LITAF: variants seen among roughly 807,000 people sequenced by gnomAD.
The protein encoded by LITAF is lipopolysaccharide induced TNF factor.
A neutral mutation model predicts 14.5 loss-of-function variants in LITAF; 9 were observed. The ratio of observed to expected loss-of-function variants is 0.62; its 90% CI spans 0.37 to 1.08. The LOEUF (loss-of-function observed/expected upper bound fraction) is 1.08, where lower values mean the gene tolerates loss of function less well. Among genes scored for constraint, LITAF ranks in the 50% least tolerant of loss-of-function variants. The pLI, the probability that LITAF is intolerant of heterozygous loss-of-function variation, is 0.01. For missense variants in LITAF, 206 were observed against 213.4 expected, an observed-to-expected ratio of 0.97 and a Z score of 0.22; for synonymous variants, 98 against 88.2, an observed-to-expected ratio of 1.11 and a Z score of -0.62.
At chr16:11,568,149 GT>G (rs1189616296) in intron 1 of LITAF, among the ~76,000 whole-genome samples, 1 of 151,982 alleles carries the variant, frequency 6.6e-6, no homozygotes, top group Non-Finnish European at 1.5e-5. Context: ...TTAGCCAGGA[GT>G]GGTGGTATGC....
At chr16:11,606,835 T>C (rs548088208) in intron 3 of LITAF, among the ~76,000 whole-genome samples, 5 of 152,234 alleles carry the variant, frequency 3.3e-5, no homozygotes, top group African/African-American at 1.2e-4. Context: ...GGTGGGGTTT[T>C]GCCATGTTGA....
chr16:11,549,652 G>A lies in LITAF; in HGVS notation c.471C>T (p.Thr157=), dbSNP rs748977024. 9.3e-6 allele frequency: 15 copies of A among 1,613,030 alleles called. No individual in the cohort carries two copies. The South Asian group carries it at 1.4e-4, about 15-fold the overall frequency. Residue 157 remains threonine (T), a synonymous_variant, in exon 4 of 4, where the codon ACC becomes ACT. Coordinates refer to ENST00000622633, the MANE Select transcript of LITAF (RefSeq NM_001136472.2). The surrounding 1 kb of genome is among the most constrained non-coding windows in gnomAD (Gnocchi z 4.6). ...TGGCTGAGTCCTACAAACGCTTGTA[G>A]GTGCCCAGGAGAGCTCTGCAGTTGG... ...YCPNCRALLG[T]YKRL is the part of the protein sequence containing the mutation.
intron 3 of LITAF, among the ~76,000 whole-genome samples, chr16:11,631,216 A>G (rs1317549028): frequency 6.6e-6 from 1 of 152,182 alleles, no homozygotes; most frequent in African/African-American, 2.4e-5. Flanking sequence ...TCACATCACC[A>G]CAAACTGAGG....
At position 11,553,625 on chromosome 16, in the gene LITAF, A is replaced by G. The variant is rs371098303; in HGVS notation, c.285T>C (p.Cys95=). 1.9e-6 allele frequency: 3 copies of G among 1,614,046 alleles called. No individual in the cohort carries two copies. The African/African-American group carries it at 4.0e-5, about 22-fold the overall frequency. ...CGATCATCTTGTTGCAGGAAGGACA[A>G]CACATTTGGATAGGGCGGTCCAAAA... is the stretch of plus-strand genomic sequence containing the variant. ...ITFLDRPIQM[C]CPSCNKMIVS... is the part of the protein sequence containing the mutation. Residue 95 remains cysteine (C), a synonymous_variant, in exon 3 of 4, where the codon TGT becomes TGC. Coordinates refer to ENST00000622633, the MANE Select transcript of LITAF (RefSeq NM_001136472.2). The surrounding 1 kb of genome is among the most constrained non-coding windows in gnomAD (Gnocchi z 7.7).
At chr16:11,575,563 A>G (rs1179265273) in intron 1 of LITAF, 1 of 152,214 alleles carries the variant, frequency 6.6e-6, no homozygotes, top group Non-Finnish European at 1.5e-5. Flanking sequence ...GAACAACTTG[A>G]AAACCCCCAG....
chr16:11,562,558 A>T (rs1038022883), intron 1 of LITAF, among the ~76,000 whole-genome samples: 4 of 152,152 alleles, frequency 2.6e-5, no homozygotes, highest in African/African-American at 9.7e-5. Flanking sequence ...GGTCCCTTTT[A>T]GCCAAAAGTT....
upstream of LITAF, among the ~76,000 whole-genome samples, chr16:11,638,117 T>TATAGATAGATATATATAGATAG (rs138178230): frequency 5.5e-4 from 38 of 69,512 alleles, no homozygotes; most frequent in Non-Finnish European, 5.8e-4. Flanking sequence ...TATCTATCTA[T>TATAGATAGATATATATAGATAG]ATAGATAGAT....
At chr16:11,631,853 CTT>C (rs34507448) in intron 3 of LITAF, among the ~76,000 whole-genome samples, 18 of 134,488 alleles carry the variant, frequency 1.3e-4, no homozygotes, top group East Asian at 2.1e-4. Flanking sequence ...CTTTTCTTTT[CTT>C]TTTTTTTTTT....
chr16:11,639,863 C>G (rs1054687201), upstream of LITAF, among the ~76,000 whole-genome samples: 1 of 152,112 alleles, frequency 6.6e-6, no homozygotes, highest in East Asian at 1.9e-4. Flanking sequence ...GGGCCTCTGC[C>G]TCCTAAGCTC....
At chr16:11,564,450 A>G (rs2064420533) in intron 1 of LITAF, among the ~76,000 whole-genome samples, 1 of 152,092 alleles carries the variant, frequency 6.6e-6, no homozygotes, top group Non-Finnish European at 1.5e-5. Context: ...TACTTCGGGC[A>G]CTCACAAGGT....
At position 11,632,162 on chromosome 16, in the gene LITAF, C is replaced by G. The variant is rs780328065; in HGVS notation, c.85+1371G>C. ...GATTACAGGCGTGAGCCACTGCGCC[C>G]GGCCTCGCAAAGAACCTATTTTCAA... is the stretch of plus-strand genomic sequence containing the variant. On this transcript the variant is annotated intron_variant, in intron 3 of 3. Transcript: ENST00000574848. The surrounding 1 kb of genome is among the most constrained non-coding windows in gnomAD (Gnocchi z 4.8). 6.6e-6 allele frequency among the ~76,000 whole-genome samples: 1 copy of G among 152,164 alleles called. No homozygotes were observed.
At position 11,566,567 on chromosome 16, in the gene LITAF, C is replaced by T. The variant is rs28719938; in HGVS notation, c.-5-9832G>A. On this transcript the variant is annotated intron_variant, in intron 1 of 3. Coordinates refer to ENST00000622633, the MANE Select transcript of LITAF (RefSeq NM_001136472.2). ...TCGCTTGAGCCTAGAAGTTCGAGAC[C>T]GGCCCGGGCAACATAGTGAGATGCC... Among the ~76,000 whole-genome samples, 417 of 152,212 alleles carry T rather than the reference C, an allele frequency of 2.7e-3. 4 individuals are homozygous for T. The highest frequency in any genetic ancestry group is 9.5e-3 in the African/African-American group (395 of 41,534).
At chr16:11,589,619 CTTT>C (rs60950577), upstream of LITAF, among the ~76,000 whole-genome samples, 4 of 103,918 alleles carry the variant, frequency 3.8e-5, no homozygotes, top group Admixed American at 1.1e-4. Context: ...AAATCAGTTG[CTTT>C]TTTTTTTTTT....
chr16:11,587,626 C>T (rs2064822118), upstream of LITAF: 1 of 235,050 alleles, frequency 4.3e-6, no homozygotes, highest in African/African-American at 2.3e-5. Flanking sequence ...CAGGGTGGTC[C>T]GTGCCGCCAG....
upstream of LITAF, among the ~76,000 whole-genome samples, chr16:11,589,759 C>T (rs1438102929): frequency 5.3e-5 from 8 of 151,066 alleles, no homozygotes; most frequent in East Asian, 1.6e-3. Flanking sequence ...GCTGGGACTA[C>T]AGGCATGTAC....
At position 11,548,057 on chromosome 16, in the gene LITAF, G is replaced by C; in HGVS notation, c.*1580C>G. The C allele has an allele frequency of 4.4e-6, 2 of 454,074 alleles. No homozygotes were observed. The highest frequency in any genetic ancestry group is 1.6e-5 in the South Asian group (1 of 64,472). The allele number at this position is 454,074 out of a possible 1,614,324, so 28.1% of individuals were successfully genotyped here. ...GCAGGTAACACCAAAGTACTATGTG[G>C]TATCCATATTCGTTGCAAAAATGAT... is the stretch of plus-strand genomic sequence containing the variant. On this transcript the variant is annotated 3_prime_UTR_variant, in exon 4 of 4. Coordinates refer to ENST00000622633, the MANE Select transcript of LITAF (RefSeq NM_001136472.2).
chr16:11,559,376 A>G (rs1300434133), intron 1 of LITAF, among the ~76,000 whole-genome samples: 1 of 152,220 alleles, frequency 6.6e-6, no homozygotes, highest in African/African-American at 2.4e-5. Context: ...AAGCAATTTA[A>G]ATGTGAAAAC....
rs763015827 is a variant in LITAF, at chr16:11,549,789, C to T, written c.378-44G>A. 4.7e-6 allele frequency: 7 copies of T among 1,474,456 alleles called. No individual in the cohort carries two copies. In the Admixed American group the frequency reaches 7.3e-5, roughly 15 times the overall value. The allele number at this position is 1,474,456 out of a possible 1,614,324, so 91.3% of individuals were successfully genotyped here. A position where few individuals can be genotyped will look rare whatever the true frequency, so the allele number is the denominator to read the frequency against. On this transcript the variant is annotated intron_variant, in intron 3 of 3. Coordinates refer to ENST00000622633, the MANE Select transcript of LITAF (RefSeq NM_001136472.2). The surrounding 1 kb of genome is among the most constrained non-coding windows in gnomAD (Gnocchi z 4.6). ...ACACGGAGCGCGTTACTGATCACAA[C>T]AGGGTGAACACTGGCTGCCAAAACC...
At chr16:11,598,581 G>T (rs1278054467), upstream of LITAF, 2 of 152,136 alleles carry the variant, frequency 1.3e-5, no homozygotes, top group Non-Finnish European at 2.9e-5. Flanking sequence ...TCCCGAGGGG[G>T]TAACCGGGGC....
Sources: gnomAD v4.1 joint callset for allele counts (sites outside exome capture counted in the v4.1 genomes callset) on GRCh38, gnomAD v4.1.1 for gene constraint, Gnocchi (gnomAD v3.1) non-coding constraint, MANE v1.5 for transcripts, NCBI Gene and HGNC (gene_info 2026-07-23, HGNC 2026-07-21) for gene names.